The following ARHGAP6 variants were observed in gnomAD, a reference collection of about 807,000 sequenced individuals.
ARHGAP6 encodes rho GTPase-activating protein 6.
In ARHGAP6, 16 loss-of-function variants were observed where a neutral mutation model predicts 55.7. That is an observed-to-expected ratio of 0.29 (90% confidence interval 0.19 to 0.44). The LOEUF (loss-of-function observed/expected upper bound fraction) is 0.44. ARHGAP6 is among the 20% of genes least tolerant of loss of function. The probability of loss-of-function intolerance (pLI) is 1.00; values close to 1 mark genes in which losing one functional copy is unlikely to be tolerated. For synonymous variants in ARHGAP6, 382 were observed against 360.9 expected (o/e 1.06, Z -0.66); for missense variants, 698 against 808.9 (o/e 0.86, Z 1.66).
Position 11,522,896 on chromosome X carries a change from T to G in ARHGAP6, c.588+141345A>C, listed in dbSNP as rs761364263. ...CCTAACTCATTTTATGAGGCCAGCA[T>G]CATCCTGAAACCAAAGCCGGGCAGA... On this transcript the variant is annotated intron_variant, in intron 1 of 12. Coordinates refer to ENST00000337414, the MANE Select transcript of ARHGAP6 (RefSeq NM_013427.3). 5.4e-5 allele frequency among the ~76,000 whole-genome samples: 6 copies of G among 111,442 alleles called. No individual in the cohort carries two copies. The East Asian group carries it at 1.1e-3, about 21-fold the overall frequency.
At chrX:11,236,983 T>A in intron 2 of ARHGAP6, among the ~76,000 whole-genome samples, 1 of 112,545 alleles carries the variant, frequency 8.9e-6, no homozygotes, top group East Asian at 2.8e-4. Flanking sequence ...GACATCCATT[T>A]GTGCAATGCA....
intron 1 of ARHGAP6, among the ~76,000 whole-genome samples, chrX:11,385,817 CAT>C (rs1167593755): frequency 9.0e-6 from 1 of 111,628 alleles, no homozygotes; most frequent in African/African-American, 3.3e-5. Flanking sequence ...TGTTTTTAAA[CAT>C]TAATGCAAAA....
At chrX:11,510,476 A>G (rs1397382478) in intron 1 of ARHGAP6, among the ~76,000 whole-genome samples, 1 of 111,387 alleles carries the variant, frequency 9.0e-6, no homozygotes, top group African/African-American at 3.3e-5. Flanking sequence ...CCACAGATGC[A>G]CTTGGATGAT....
At chrX:11,475,407 CA>C (rs1349995193) in intron 1 of ARHGAP6, among the ~76,000 whole-genome samples, 1 of 110,450 alleles carries the variant, frequency 9.1e-6, no homozygotes, top group Non-Finnish European at 1.9e-5. Flanking sequence ...CTACCCATGC[CA>C]AAAAAGTTGT....
chrX:11,229,468 C>T lies in ARHGAP6; in HGVS notation c.748+25080G>A, dbSNP rs978393952. 3.8e-4 allele frequency among the ~76,000 whole-genome samples: 42 copies of T among 111,913 alleles called. No homozygotes were observed. In the Admixed American group the frequency reaches 4.0e-3, roughly 11 times the overall value. Reference sequence around the variant, plus strand: ...TTATGTATGCTTAACAATTACTTCACATCTATGGCAAGGTAAATTATGTAG... The same window carrying T: ...TTATGTATGCTTAACAATTACTTCATATCTATGGCAAGGTAAATTATGTAG... On this transcript the variant is annotated intron_variant, in intron 2 of 12. Coordinates refer to ENST00000337414, the MANE Select transcript of ARHGAP6 (RefSeq NM_013427.3).
chrX:11,594,805 A>G (rs769834468), intron 1 of ARHGAP6, among the ~76,000 whole-genome samples: 18 of 112,056 alleles, frequency 1.6e-4, no homozygotes, highest in Non-Finnish European at 2.6e-4. Flanking sequence ...TCATACATAA[A>G]GATCTGTATT....
chrX:11,250,376 C>T (rs1284881284), intron 2 of ARHGAP6, among the ~76,000 whole-genome samples: 1 of 112,117 alleles, frequency 8.9e-6, no homozygotes, highest in Admixed American at 9.4e-5. Context: ...GGATTAGAAT[C>T]ATTCCTTTGG....
chrX:11,495,374 A>G (rs1374435237), intron 1 of ARHGAP6, among the ~76,000 whole-genome samples: 1 of 111,900 alleles, frequency 8.9e-6, no homozygotes, highest in African/African-American at 3.2e-5. Context: ...ACACAACCCA[A>G]TCCTGATAAA....
intron 1 of ARHGAP6, among the ~76,000 whole-genome samples, chrX:11,591,347 A>G (rs1465754322): frequency 9.1e-6 from 1 of 109,382 alleles, no homozygotes; most frequent in African/African-American, 3.3e-5. Flanking sequence ...CTTAAATTTA[A>G]AATATGTTTT....
chrX:11,521,091 T>G (rs1379259997), intron 1 of ARHGAP6, among the ~76,000 whole-genome samples: 1 of 112,093 alleles, frequency 8.9e-6, no homozygotes, highest in Non-Finnish European at 1.9e-5. Flanking sequence ...GCAAAAATTT[T>G]CTCCCATTCT....
intron 1 of ARHGAP6, among the ~76,000 whole-genome samples, chrX:11,627,520 T>C (rs748421201): frequency 1.8e-5 from 2 of 111,836 alleles, no homozygotes; most frequent in South Asian, 7.4e-4. Context: ...CTTACAGAGA[T>C]TTTTTTAAAC....
intron 1 of ARHGAP6, among the ~76,000 whole-genome samples, chrX:11,407,821 G>T (rs2049629248): frequency 9.0e-6 from 1 of 111,511 alleles, no homozygotes; most frequent in Admixed American, 9.5e-5. Context: ...ATTTGGAGTT[G>T]AACGGGGAGG....
At chrX:11,482,707 T>C (rs973608759) in intron 1 of ARHGAP6, among the ~76,000 whole-genome samples, 3 of 111,299 alleles carry the variant, frequency 2.7e-5, no homozygotes, top group African/African-American at 9.9e-5. Flanking sequence ...TCTAACAGGC[T>C]CTTACTCCAA....
chrX:11,383,155 T>C (rs924789605), intron 1 of ARHGAP6, among the ~76,000 whole-genome samples: 14 of 111,972 alleles, frequency 1.3e-4, no homozygotes, highest in African/African-American at 4.2e-4. Flanking sequence ...AGAGCCTTTT[T>C]TGCTATCTTT....
chrX:11,474,319 A>G (rs2050381807), intron 1 of ARHGAP6, among the ~76,000 whole-genome samples: 1 of 111,872 alleles, frequency 8.9e-6, no homozygotes, highest in African/African-American at 3.3e-5. Context: ...GGGTCCACAT[A>G]CCACCTTTTC....
In ARHGAP6 at chrX:11,177,474, T is replaced by C. The variant is rs751176485; in HGVS notation, c.1629+626A>G. 4.5e-5 allele frequency among the ~76,000 whole-genome samples: 5 copies of C among 111,071 alleles called. No homozygotes were observed. The South Asian group carries it at 1.2e-3, about 26-fold the overall frequency. On this transcript the variant is annotated intron_variant, in intron 8 of 12. Transcript: ENST00000337414. ...AACCTGCTTTGAGCAGTTGATACCA[T>C]GTGACATCAAGACACAATGGCAATG...
intron 1 of ARHGAP6, among the ~76,000 whole-genome samples, chrX:11,529,705 TTAA>T (rs776472769): frequency 8.9e-6 from 1 of 111,808 alleles, no homozygotes; most frequent in Non-Finnish European, 1.9e-5. Flanking sequence ...TGTTCTTTTA[TTAA>T]TAAGAGAAGA....
intron 1 of ARHGAP6, among the ~76,000 whole-genome samples, chrX:11,562,792 T>C (rs1304566065): frequency 4.5e-5 from 5 of 112,149 alleles, no homozygotes; most frequent in African/African-American, 6.5e-5. Context: ...AAACGCAATG[T>C]CACTCAAGGT....
chrX:11,214,469 T>C (rs2046849340), intron 2 of ARHGAP6, among the ~76,000 whole-genome samples: 2 of 112,419 alleles, frequency 1.8e-5, no homozygotes, highest in African/African-American at 6.5e-5. Context: ...TCCAAAGGGG[T>C]AGGGGTGGCT....
Sources: allele counts gnomAD v4.1 joint callset (sites outside exome capture counted in the v4.1 genomes callset), GRCh38; gene constraint gnomAD v4.1.1; transcripts MANE v1.5; gene names NCBI Gene and HGNC (gene_info 2026-07-23, HGNC 2026-07-21).